The following TMPRSS11F variants were observed in gnomAD, a reference collection of about 807,000 sequenced individuals.
TMPRSS11F encodes the protein transmembrane protease serine 11F.
Under a neutral mutation model 60.2 loss-of-function variants are expected in TMPRSS11F, and 47 were observed. The observed-to-expected ratio is 0.78, with a 90% confidence interval of 0.62 to 1.00. TMPRSS11F has a LOEUF of 1.00. TMPRSS11F is among the 50% of genes least tolerant of loss of function. The pLI, the probability that TMPRSS11F is intolerant of heterozygous loss-of-function variation, is 0.00. For synonymous variants in TMPRSS11F, 166 were observed against 167.3 expected, an observed-to-expected ratio of 0.99 and a Z score of 0.06; for missense variants, 519 against 522.9, an observed-to-expected ratio of 0.99 and a Z score of 0.07.
At chr4:68,101,919 T>C (rs927949266) in intron 1 of TMPRSS11F, among the ~76,000 whole-genome samples, 9 of 152,140 alleles carry the variant, frequency 5.9e-5, no homozygotes, top group Admixed American at 2.0e-4. Flanking sequence ...CCTCATGTTG[T>C]ACATTAGATC....
intron 1 of TMPRSS11F, among the ~76,000 whole-genome samples, chr4:68,101,434 G>A (rs1232746677): frequency 6.9e-6 from 1 of 144,936 alleles, no homozygotes; most frequent in Non-Finnish European, 1.5e-5. Context: ...TGAAAAGCCT[G>A]TAATAAGCAT....
At chr4:68,108,594 C>G (rs991009868) in intron 1 of TMPRSS11F, among the ~76,000 whole-genome samples, 4 of 152,198 alleles carry the variant, frequency 2.6e-5, no homozygotes, top group African/African-American at 9.6e-5. Context: ...GTTCTCCAGC[C>G]TTTACATGCC....
Position 68,054,637 on chromosome 4 carries a change from G to A in TMPRSS11F, c.1159-570C>T, listed in dbSNP as rs372148843. The stretch of plus-strand genomic sequence containing the variant: ...GTGTGGTCTCAGCAGCTGAAATGCC[G>A]GTTTCAGGTCCAGCTCTATTAATTA... On this transcript the variant is annotated intron_variant, in intron 9 of 9. Transcript: ENST00000356291. 3.9e-5 allele frequency among the ~76,000 whole-genome samples: 6 copies of A among 152,198 alleles called. No individual in the cohort carries two copies. The East Asian group carries it at 9.7e-4, about 25-fold the overall frequency.
At chr4:68,076,487 G>A (rs1272581784) in intron 3 of TMPRSS11F, among the ~76,000 whole-genome samples, 1 of 152,090 alleles carries the variant, frequency 6.6e-6, no homozygotes, top group Non-Finnish European at 1.5e-5. Context: ...CACTCCATCG[G>A]TTACTTCTCT....
intron 9 of TMPRSS11F, among the ~76,000 whole-genome samples, chr4:68,057,258 C>T (rs1723064578): frequency 6.9e-6 from 1 of 145,130 alleles, no homozygotes; most frequent in African/African-American, 2.6e-5. Flanking sequence ...GCACTCCAGC[C>T]TGAGTGACAA....
At position 68,056,430 on chromosome 4, in the gene TMPRSS11F, CAAAA is replaced by C. The variant is rs1194059648; in HGVS notation, c.1159-2367_1159-2364del. 2.9e-3 allele frequency among the ~76,000 whole-genome samples: 251 copies of C among 87,210 alleles called. 2 individuals carry two copies. The highest frequency in any genetic ancestry group is 0.01 in the African/African-American group (245 of 23,858). 57.2% of individuals were successfully genotyped at this position (87,210 alleles called of 152,430 possible). ...GAAAACAATCCATTTACAATAGCAA[CAAAA>C]AAAAAATAGCAAAAAAAAAAAAACA... On this transcript the variant is annotated intron_variant, in intron 9 of 9. Coordinates refer to ENST00000356291, the MANE Select transcript of TMPRSS11F (RefSeq NM_207407.2).
intron 1 of TMPRSS11F, among the ~76,000 whole-genome samples, chr4:68,118,641 T>A (rs918730403): frequency 6.6e-6 from 1 of 152,206 alleles, no homozygotes; most frequent in Non-Finnish European, 1.5e-5. Flanking sequence ...AAATTTTTGC[T>A]GGCTGAAGGT....
intron 3 of TMPRSS11F, among the ~76,000 whole-genome samples, chr4:68,079,597 T>A (rs1723652029): frequency 2.0e-5 from 3 of 152,310 alleles, no homozygotes; most frequent in Middle Eastern, 6.8e-3. Flanking sequence ...TCATATTTAC[T>A]TTTTTCTGTT....
intron 7 of TMPRSS11F, among the ~76,000 whole-genome samples, chr4:68,065,421 C>T (rs562126322): frequency 2.6e-4 from 39 of 152,272 alleles, no homozygotes; most frequent in East Asian, 1.2e-3. Flanking sequence ...CTCTACCCTA[C>T]GCCCATATCC....
intron 1 of TMPRSS11F, among the ~76,000 whole-genome samples, chr4:68,113,037 T>G (rs563077531): frequency 1.3e-5 from 2 of 152,152 alleles, no homozygotes; most frequent in African/African-American, 4.8e-5. Context: ...CCCAACAACA[T>G]AATACACATT....
At chr4:68,085,362 G>T (rs10024607) in intron 3 of TMPRSS11F, among the ~76,000 whole-genome samples, 2,108 of 152,000 alleles carry the variant, frequency 0.014, 35 homozygotes, top group African/African-American at 0.047. Context: ...CAGTGTAAAA[G>T]TGTTCCTATT....
chr4:68,081,150 G>T (rs1220580780), intron 3 of TMPRSS11F, among the ~76,000 whole-genome samples: 1 of 152,188 alleles, frequency 6.6e-6, no homozygotes, highest in Non-Finnish European at 1.5e-5. Context: ...GATGGTTTCA[G>T]TGAGAAGCTA....
At chr4:68,115,348 C>T (rs2109884091) in intron 1 of TMPRSS11F, among the ~76,000 whole-genome samples, 1 of 84,190 alleles carries the variant, frequency 1.2e-5, no homozygotes, top group African/African-American at 4.7e-5. Flanking sequence ...CAGAGCAAGA[C>T]ACCATCTCAA....
chr4:68,127,051 T>C (rs576650287), intron 1 of TMPRSS11F, among the ~76,000 whole-genome samples: 1 of 152,342 alleles, frequency 6.6e-6, no homozygotes, highest in South Asian at 2.1e-4. Context: ...AATTGCATTA[T>C]CATTTTTTCC....
At chr4:68,124,183 T>C (rs542401994) in intron 1 of TMPRSS11F, among the ~76,000 whole-genome samples, 2 of 150,702 alleles carry the variant, frequency 1.3e-5, no homozygotes, top group Non-Finnish European at 2.9e-5. Context: ...ATTGCACCAC[T>C]GCACTCCAGC....
At position 68,068,773 on chromosome 4, in the gene TMPRSS11F, G is replaced by A. The variant is rs756181943; in HGVS notation, c.600C>T (p.Ser200=). The A allele has an allele frequency of 3.4e-5, 55 of 1,614,090 alleles. No individual in the cohort carries two copies. The highest frequency in any genetic ancestry group is 9.9e-5 in the South Asian group (9 of 91,092). ...CTTGGACAATTCTTTGAGTAGAAGA[G>A]GATGCTGGTAATGGCATGTTTGAAG... ...MTSSNMPLPA[S]SSTQRIVQGR... Residue 200 remains serine, a synonymous_variant, in exon 7 of 10, where the codon TCC becomes TCT. Transcript: ENST00000356291.
intron 3 of TMPRSS11F, among the ~76,000 whole-genome samples, chr4:68,076,543 C>T (rs1423979927): frequency 6.6e-6 from 1 of 152,122 alleles, no homozygotes; most frequent in Non-Finnish European, 1.5e-5. Context: ...TCTCTTTGTA[C>T]CCTTTTAGAC....
intron 1 of TMPRSS11F, among the ~76,000 whole-genome samples, chr4:68,115,889 T>C (rs945361520): frequency 2.0e-5 from 3 of 152,190 alleles, no homozygotes; most frequent in African/African-American, 7.2e-5. Context: ...GAGAGAGATA[T>C]ATTATGCTTA....
intron 1 of TMPRSS11F, among the ~76,000 whole-genome samples, chr4:68,113,375 C>T (rs1204519083): frequency 6.7e-6 from 1 of 150,284 alleles, no homozygotes; most frequent in Non-Finnish European, 1.5e-5. Context: ...GAAGATATGG[C>T]TTGGCTTTTC....
Sources: gnomAD v4.1 joint callset for allele counts (sites outside exome capture counted in the v4.1 genomes callset) on GRCh38, gnomAD v4.1.1 for gene constraint, MANE v1.5 for transcripts, NCBI Gene and HGNC (gene_info 2026-07-23, HGNC 2026-07-21) for gene names.